The following RAD51B variants were observed in gnomAD, a reference collection of about 807,000 sequenced individuals.
The protein encoded by RAD51B is RAD51 paralog B, also known as DNA repair protein RAD51 homolog 2.
In RAD51B, 38 loss-of-function variants were observed where a neutral mutation model predicts 42.2. The observed-to-expected ratio is 0.90, with a 90% CI of 0.70 to 1.18. RAD51B has a LOEUF of 1.18. Among genes scored for constraint, RAD51B ranks in the 50% most tolerant of loss-of-function variants. The pLI, the probability that RAD51B is intolerant of heterozygous loss-of-function variation, is 0.00. For synonymous variants in RAD51B, 154 were observed against 145.2 expected, an observed-to-expected ratio of 1.06 and a Z score of -0.43; for missense variants, 373 against 400.7, an observed-to-expected ratio of 0.93 and a Z score of 0.59.
intron 8 of RAD51B, among the ~76,000 whole-genome samples, chr14:68,343,082 G>T (rs1461701515): frequency 6.7e-6 from 1 of 148,516 alleles, no homozygotes; most frequent in Non-Finnish European, 1.5e-5. Context: ...TATAATATGG[G>T]ATAATTAAAT....
intron 8 of RAD51B, among the ~76,000 whole-genome samples, chr14:68,324,312 C>CAT (rs2082209811): frequency 2.0e-5 from 3 of 152,216 alleles, no homozygotes; most frequent in Non-Finnish European, 4.4e-5. Flanking sequence ...CTTGATGAGC[C>CAT]ATCCAGGCCT....
At chr14:68,355,939 T>G (rs1486509373) in intron 8 of RAD51B, among the ~76,000 whole-genome samples, 1 of 152,208 alleles carries the variant, frequency 6.6e-6, no homozygotes, top group African/African-American at 2.4e-5. Flanking sequence ...TTATTATTCA[T>G]TTAGGTTTTT....
rs1566633969 is a variant in RAD51B at position 68,087,833 on chromosome 14, T to TA, written c.756+200629_756+200630insA. Among the ~76,000 whole-genome samples, 349 of 138,000 alleles carry TA rather than the reference T, an allele frequency of 2.5e-3. 4 individuals carry two copies. Among genetic ancestry groups the TA allele is most frequent in the African/African-American group, 9.1e-3 (335 of 36,642 alleles). 90.5% of individuals were successfully genotyped at this position (138,000 alleles called of 152,430 possible). A position where few individuals can be genotyped will look rare whatever the true frequency, so the allele number is the denominator to read the frequency against. On this transcript the variant is annotated intron_variant, in intron 7 of 10. Coordinates refer to ENST00000471583, the MANE Select transcript of RAD51B (RefSeq NM_133510.4). ...ACTTAAAAATAATATTTTTAAATAT[T>TA]TAATTATATAATTATTATATATATA...
chr14:68,600,992 G>GAC (rs1891195329), downstream of RAD51B, among the ~76,000 whole-genome samples: 1 of 151,830 alleles, frequency 6.6e-6, no homozygotes, highest in Non-Finnish European at 1.5e-5. Context: ...CACAAACTGA[G>GAC]TGCATGCTTT....
intron 8 of RAD51B, among the ~76,000 whole-genome samples, chr14:68,370,746 T>G (rs1420204942): frequency 6.6e-6 from 1 of 152,092 alleles, no homozygotes; most frequent in Non-Finnish European, 1.5e-5. Flanking sequence ...GAAGTGTATT[T>G]TAAAAAATGA....
At chr14:68,073,073 T>C (rs1487745306) in intron 7 of RAD51B, among the ~76,000 whole-genome samples, 1 of 152,184 alleles carries the variant, frequency 6.6e-6, no homozygotes, top group Non-Finnish European at 1.5e-5. Flanking sequence ...CAAGTTTAAG[T>C]CTCCAATATT....
chr14:68,423,100 C>T (rs778205331), intron 9 of RAD51B, among the ~76,000 whole-genome samples: 2 of 152,154 alleles, frequency 1.3e-5, no homozygotes, highest in Non-Finnish European at 2.9e-5. Context: ...TTTGAGAACA[C>T]CTTTGGAGAG....
chr14:68,573,125 T>A (rs1296925463), intron 10 of RAD51B, among the ~76,000 whole-genome samples: 1 of 152,158 alleles, frequency 6.6e-6, no homozygotes, highest in Non-Finnish European at 1.5e-5. Flanking sequence ...CAGGGTGAAC[T>A]GTATGTACAA....
chr14:68,252,483 T>C (rs1462929790), intron 7 of RAD51B, among the ~76,000 whole-genome samples: 1 of 152,206 alleles, frequency 6.6e-6, no homozygotes, highest in Non-Finnish European at 1.5e-5. Context: ...CACCCTTCCG[T>C]CCATCACTCA....
At chr14:68,177,986 C>A (rs961585210) in intron 7 of RAD51B, among the ~76,000 whole-genome samples, 4 of 152,164 alleles carry the variant, frequency 2.6e-5, no homozygotes, top group Admixed American at 2.6e-4. Flanking sequence ...TACCTGGTCT[C>A]TCAGCACTGC....
chr14:68,158,998 A>AT lies in RAD51B; in HGVS notation c.757-132876dup, dbSNP rs749876186. Among the ~76,000 whole-genome samples, 420 of 149,494 alleles carry AT rather than the reference A, an allele frequency of 2.8e-3. 2 individuals are homozygous for AT. Among genetic ancestry groups the AT allele is most frequent in the African/African-American group, 6.5e-3 (264 of 40,858 alleles). Reference sequence around the variant, plus strand: ...TTAGAAGAGCCTCAAAGATTTGGTTATTTTTTTTTTGCAACTTTTATTGTA... The same window carrying AT: ...TTAGAAGAGCCTCAAAGATTTGGTTATTTTTTTTTTTGCAACTTTTATTGTA... On this transcript the variant is annotated intron_variant, in intron 7 of 10. Coordinates refer to ENST00000471583, the MANE Select transcript of RAD51B (RefSeq NM_133510.4).
At chr14:68,534,915 G>A (rs1029298917) in intron 10 of RAD51B, among the ~76,000 whole-genome samples, 2 of 152,124 alleles carry the variant, frequency 1.3e-5, no homozygotes, top group Admixed American at 6.5e-5. Flanking sequence ...AATGTGCCAA[G>A]GGTACTAGTA....
chr14:68,119,373 T>C (rs2077605151), intron 7 of RAD51B, among the ~76,000 whole-genome samples: 1 of 150,812 alleles, frequency 6.6e-6, no homozygotes, highest in South Asian at 2.1e-4. Context: ...AATGTGCAGG[T>C]TAGTTACATA....
At chr14:68,114,116 G>T (rs984858273) in intron 7 of RAD51B, 1 of 152,040 alleles carries the variant, frequency 6.6e-6, no homozygotes, top group Non-Finnish European at 1.5e-5. Flanking sequence ...TTTTTCTCCT[G>T]TGTGAACTCA....
intron 7 of RAD51B, among the ~76,000 whole-genome samples, chr14:68,089,777 TG>T (rs2077058824): frequency 6.6e-6 from 1 of 152,206 alleles, no homozygotes; most frequent in South Asian, 2.1e-4. Flanking sequence ...AAAGACCTTT[TG>T]TATTTAAATT....
At chr14:67,995,835 A>T (rs1202330616) in intron 7 of RAD51B, among the ~76,000 whole-genome samples, 6 of 151,472 alleles carry the variant, frequency 4.0e-5, no homozygotes, top group East Asian at 3.9e-4. Flanking sequence ...ACCAGGATGG[A>T]CTCGATCTCC....
At chr14:68,352,416 T>C (rs1259938106) in intron 8 of RAD51B, among the ~76,000 whole-genome samples, 1 of 152,212 alleles carries the variant, frequency 6.6e-6, no homozygotes, top group Non-Finnish European at 1.5e-5. Context: ...CATAGAAACA[T>C]GTCTGCTAAC....
At chr14:68,364,619 G>A (rs911688814) in intron 8 of RAD51B, among the ~76,000 whole-genome samples, 1 of 151,976 alleles carries the variant, frequency 6.6e-6, no homozygotes, top group Non-Finnish European at 1.5e-5. Context: ...CTCACAGGGC[G>A]CTGTGGCAAC....
intron 7 of RAD51B, among the ~76,000 whole-genome samples, chr14:68,155,898 T>C (rs749786595): frequency 1.3e-5 from 2 of 152,188 alleles, no homozygotes; most frequent in Non-Finnish European, 2.9e-5. Flanking sequence ...TGTGTAAGAT[T>C]AGTAACACAT....
Sources: allele counts gnomAD v4.1 joint callset (sites outside exome capture counted in the v4.1 genomes callset), GRCh38; gene constraint gnomAD v4.1.1; transcripts MANE v1.5; gene names NCBI Gene and HGNC (gene_info 2026-07-23, HGNC 2026-07-21).